Variants in MAP3K4 observed in about 807,000 individuals in gnomAD.
MAP3K4 encodes the protein mitogen-activated protein kinase kinase kinase 4.
A neutral mutation model predicts 185.6 loss-of-function variants in MAP3K4; 67 were observed. That is an observed-to-expected ratio of 0.36 (90% CI 0.30 to 0.44). MAP3K4 has a LOEUF of 0.44. MAP3K4 is among the 20% of genes least tolerant of loss of function. MAP3K4 has a pLI of 1.00. For synonymous variants in MAP3K4, 702 were observed against 710.4 expected, an observed-to-expected ratio of 0.99 and a Z score of 0.19; for missense variants, 1,551 against 1,995.1, an observed-to-expected ratio of 0.78 and a Z score of 4.24.
Position 161,111,971 on chromosome 6 carries a change from C to T in MAP3K4, c.4519+13C>T. On this transcript the variant is annotated intron_variant, in intron 24 of 26. Coordinates refer to ENST00000392142, the MANE Select transcript of MAP3K4 (RefSeq NM_005922.4). ...CTGGGGACAGCAGGTAGGGACCAGCCTGGTTGTTCTTTGCACTCTGACTTC... is the reference window on the plus strand; with the variant it reads ...CTGGGGACAGCAGGTAGGGACCAGCTTGGTTGTTCTTTGCACTCTGACTTC... 6.2e-7 allele frequency: 1 copy of T among 1,613,214 alleles called. No individual in the cohort carries two copies. The highest frequency in any genetic ancestry group is 1.1e-5 in the South Asian group (1 of 90,816).
chr6:161,029,193 T>G (rs1434050414), intron 1 of MAP3K4, among the ~76,000 whole-genome samples: 1 of 152,006 alleles, frequency 6.6e-6, no homozygotes, highest in Non-Finnish European at 1.5e-5. Context: ...GGTTAAAATA[T>G]CCATTTATTT....
In MAP3K4 at chr6:161,106,864, G is replaced by GTTGT. The variant is rs1211954572; in HGVS notation, c.4048+162_4048+165dup. Among the ~76,000 whole-genome samples the GTTGT allele has an allele frequency of 3.3e-5, 5 of 151,844 alleles. No individual in the cohort carries two copies. Among genetic ancestry groups the GTTGT allele is most frequent in the African/African-American group, 1.2e-4 (5 of 41,324 alleles). On this transcript the variant is annotated intron_variant, in intron 20 of 26. Transcript: ENST00000392142. The surrounding 1 kb of genome is among the most constrained non-coding windows in gnomAD (Gnocchi z 4.9). ...TGCAAAGTGGTCTGGATTTTTTTTG[G>GTTGT]TTGTTTAATTTGTAAAATGTATTCT...
In MAP3K4 at chr6:161,063,952, C is replaced by G. The variant is rs1301774861; in HGVS notation, c.1708-6656C>G. Among the ~76,000 whole-genome samples, 3 of 152,170 alleles carry G rather than the reference C, an allele frequency of 2.0e-5. No individual in the cohort carries two copies. Among genetic ancestry groups the G allele is most frequent in the Non-Finnish European group, 1.5e-5 (1 of 68,024 alleles). ...GTTCATGGTTTTCCCACCACCTCTT[C>G]TCTTTGGGGAGTCATGACCACCCCT... On this transcript the variant is annotated intron_variant, in intron 3 of 26. Transcript: ENST00000392142. The surrounding 1 kb of genome is among the most constrained non-coding windows in gnomAD (Gnocchi z 5.4).
intron 1 of MAP3K4, among the ~76,000 whole-genome samples, chr6:160,994,453 A>G (rs1780900614): frequency 1.3e-5 from 2 of 152,174 alleles, no homozygotes; most frequent in African/African-American, 4.8e-5. Flanking sequence ...AAGTTGCTGC[A>G]GTTGCCATTA....
intron 1 of MAP3K4, among the ~76,000 whole-genome samples, chr6:161,028,153 G>A (rs561538347): frequency 6.8e-4 from 104 of 152,278 alleles, no homozygotes; most frequent in African/African-American, 2.4e-3. Context: ...ACCATGAGGA[G>A]GCCGGTTTCA....
In MAP3K4 at chr6:161,070,899, TA is replaced by T; in HGVS notation, c.1950+50del. On this transcript the variant is annotated intron_variant, in intron 4 of 26. Transcript: ENST00000392142. This position sits in a 1 kb window ranked among gnomAD's most constrained non-coding sequence, Gnocchi z 4.5. ...ATATTTAGCAATTATTATATTATCC[TA>T]CAGGCTTATCATTTTTATTTTGAGA... 1 of 1,462,178 alleles carries T rather than the reference TA, an allele frequency of 6.8e-7. No individual in the cohort carries two copies. Among genetic ancestry groups the T allele is most frequent in the Non-Finnish European group, 9.1e-7 (1 of 1,098,066 alleles). 90.6% of individuals were successfully genotyped at this position (1,462,178 alleles called of 1,614,324 possible).
chr6:160,992,664 A>G (rs1780787897), intron 1 of MAP3K4, among the ~76,000 whole-genome samples: 1 of 152,224 alleles, frequency 6.6e-6, no homozygotes, highest in Admixed American at 6.5e-5. Flanking sequence ...CTTTAGTGCT[A>G]GTATTGTGCA....
chr6:161,111,183 G>A (rs903043513), intron 23 of MAP3K4, among the ~76,000 whole-genome samples: 2 of 152,200 alleles, frequency 1.3e-5, no homozygotes, highest in Non-Finnish European at 2.9e-5. Flanking sequence ...TTGGCTCTGT[G>A]TTGTTGCTTT....
chr6:161,068,179 G>GTAAATAGA (rs1265527124), intron 3 of MAP3K4, among the ~76,000 whole-genome samples: 1 of 152,114 alleles, frequency 6.6e-6, no homozygotes, highest in Middle Eastern at 3.2e-3. Flanking sequence ...GGTCTAATGG[G>GTAAATAGA]TAAATAGATA....
Position 161,002,589 on chromosome 6 carries a change from C to CTTTTTTT in MAP3K4, c.152+10520_152+10526dup, listed in dbSNP as rs34733206. Among the ~76,000 whole-genome samples, 22 of 106,476 alleles carry CTTTTTTT rather than the reference C, an allele frequency of 2.1e-4. 3 individuals are homozygous for CTTTTTTT. The highest frequency in any genetic ancestry group is 4.9e-4 in the Admixed American group (4 of 8,206). The allele number at this position is 106,476 out of a possible 152,430, so 69.9% of individuals were successfully genotyped here. A position where few individuals can be genotyped will look rare whatever the true frequency, so the allele number is the denominator to read the frequency against. On this transcript the variant is annotated intron_variant, in intron 1 of 26. Coordinates refer to ENST00000392142, the MANE Select transcript of MAP3K4 (RefSeq NM_005922.4). ...TTCTGCCATCTAAAAATAGTTTTGGCTTTTTTTTTTTTTTTTTTTTGAGAT... is the reference window on the plus strand; with the variant it reads ...TTCTGCCATCTAAAAATAGTTTTGGCTTTTTTTTTTTTTTTTTTTTTTTTTTTGAGAT...
intron 19 of MAP3K4, among the ~76,000 whole-genome samples, chr6:161,105,757 A>G (rs1394695122): frequency 2.6e-5 from 4 of 152,218 alleles, no homozygotes; most frequent in Non-Finnish European, 4.4e-5. Flanking sequence ...AGAAAAGACA[A>G]ACTGGGTCCA....
In MAP3K4 at chr6:161,076,307, C is replaced by CTA. The variant is rs1472049453; in HGVS notation, c.2097+2698_2097+2699dup. Reference sequence around the variant, plus strand: ...AGCTGCCCGACAGAAGGAGCGCGAGCTATACCGCAGCCTTCTCTGGTTGTC... The same window carrying CTA: ...AGCTGCCCGACAGAAGGAGCGCGAGCTATATACCGCAGCCTTCTCTGGTTGTC... On this transcript the variant is annotated intron_variant, in intron 5 of 26. Coordinates refer to ENST00000392142, the MANE Select transcript of MAP3K4 (RefSeq NM_005922.4). This position sits in a 1 kb window ranked among gnomAD's most constrained non-coding sequence, Gnocchi z 4.2. 1.3e-5 allele frequency among the ~76,000 whole-genome samples: 2 copies of CTA among 152,188 alleles called. No homozygotes were observed. The highest frequency in any genetic ancestry group is 2.9e-5 in the Non-Finnish European group (2 of 68,034).
chr6:161,001,373 A>G (rs1781316708), intron 1 of MAP3K4, among the ~76,000 whole-genome samples: 2 of 151,968 alleles, frequency 1.3e-5, no homozygotes, highest in Non-Finnish European at 1.5e-5. Context: ...TATGTAATCT[A>G]TGTTAGGGTA....
At chr6:161,030,787 TTTC>T (rs1782891090) in intron 1 of MAP3K4, among the ~76,000 whole-genome samples, 2 of 152,196 alleles carry the variant, frequency 1.3e-5, no homozygotes, top group Admixed American at 6.5e-5. Flanking sequence ...TAAAAGAAAG[TTTC>T]TTTAAATACT....
chr6:161,023,975 A>AT (rs1429693165), intron 1 of MAP3K4, among the ~76,000 whole-genome samples: 3 of 151,952 alleles, frequency 2.0e-5, no homozygotes, highest in African/African-American at 7.3e-5. Context: ...TCTCTCTTTT[A>AT]TTTTTTTAAG....
At chr6:160,992,786 C>T (rs1039768350) in intron 1 of MAP3K4, among the ~76,000 whole-genome samples, 9 of 152,086 alleles carry the variant, frequency 5.9e-5, no homozygotes, top group Admixed American at 5.9e-4. Context: ...GCTTTTTCTT[C>T]CATACTCTAT....
chr6:161,091,376 C>G lies in MAP3K4; in HGVS notation c.2974-3C>G, dbSNP rs778454573. 1 of 1,612,068 alleles carries G rather than the reference C, an allele frequency of 6.2e-7. No individual in the cohort carries two copies. Among genetic ancestry groups the G allele is most frequent in the African/African-American group, 1.3e-5 (1 of 74,868 alleles). The stretch of plus-strand genomic sequence containing the variant: ...TGCATTAATCATGGTTTGGACTCTT[C>G]AGAATGATGCATTGGAGCTATGCAA... On this transcript the variant is annotated splice_region_variant and splice_polypyrimidine_tract_variant and intron_variant, in intron 11 of 26. Coordinates refer to ENST00000392142, the MANE Select transcript of MAP3K4 (RefSeq NM_005922.4). This position sits in a 1 kb window ranked among gnomAD's most constrained non-coding sequence, Gnocchi z 5.5.
chr6:161,065,937 C>A (rs868190584), intron 3 of MAP3K4, among the ~76,000 whole-genome samples: 410 of 78,636 alleles, frequency 5.2e-3, no homozygotes, highest in South Asian at 6.4e-3. Flanking sequence ...GACTCCGTCT[C>A]AAAAAAAAAA....
rs149539193 is a variant in MAP3K4, at chr6:161,026,161, T to C, written c.153-8098T>C. Among the ~76,000 whole-genome samples the C allele has an allele frequency of 2.5e-3, 382 of 152,116 alleles. 1 individual carries two copies. Among genetic ancestry groups the C allele is most frequent in the African/African-American group, 8.9e-3 (368 of 41,516 alleles). ...TGCTTTTTTTTTTGAGATGGAGTCT[T>C]GCTCTGTGGCCCAGGCTGGAGTGCA... On this transcript the variant is annotated intron_variant, in intron 1 of 26. Transcript: ENST00000392142.
Sources: allele counts gnomAD v4.1 joint callset (sites outside exome capture counted in the v4.1 genomes callset), GRCh38; gene constraint gnomAD v4.1.1; non-coding constraint Gnocchi (gnomAD v3.1); transcripts MANE v1.5; gene names NCBI Gene and HGNC (gene_info 2026-07-23, HGNC 2026-07-21).